The following RASA2 variants were observed in gnomAD, a reference collection of about 807,000 sequenced individuals.
RASA2 encodes the protein ras GTPase-activating protein 2.
In RASA2, 155 loss-of-function variants were observed where a neutral mutation model predicts 118.2. The ratio of observed to expected loss-of-function variants is 1.31; its 90% confidence interval spans 1.15 to 1.50. The LOEUF is 1.50. Among genes scored for constraint, RASA2 ranks in the 40% most tolerant of loss-of-function variants. RASA2 has a pLI of 0.00. For missense variants in RASA2, 1,016 were observed against 1,009.6 expected (o/e 1.01, Z -0.09); for synonymous variants, 353 against 349.1 (o/e 1.01, Z -0.12).
At chr3:141,550,834 G>A (rs540769550) in intron 5 of RASA2, among the ~76,000 whole-genome samples, 11 of 152,190 alleles carry the variant, frequency 7.2e-5, no homozygotes, top group Non-Finnish European at 1.6e-4. Flanking sequence ...TCCAGCCTGG[G>A]CGACAGAGTG....
At position 141,487,158 on chromosome 3, in the gene RASA2, G is replaced by A. The variant is rs2081587101; in HGVS notation, c.75G>A (p.Glu25=). The A allele has an allele frequency of 1.4e-6, 2 of 1,470,654 alleles. No individual in the cohort carries two copies. Among genetic ancestry groups the A allele is most frequent in the Non-Finnish European group, 1.8e-6 (2 of 1,103,762 alleles). The allele number at this position is 1,470,654 out of a possible 1,614,324, so 91.1% of individuals were successfully genotyped here. A position where few individuals can be genotyped will look rare whatever the true frequency, so the allele number is the denominator to read the frequency against. ...APAASATAEP[E]AGDQDSREVR... The stretch of plus-strand genomic sequence containing the variant: ...CGGCGAGTGCGACTGCAGAGCCCGA[G>A]GCCGGGGACCAGGACAGTCGCGAGG... Residue 25 remains glutamate (E), a synonymous_variant, in exon 1 of 24, where the codon GAG becomes GAA. Coordinates refer to ENST00000286364, the MANE Select transcript of RASA2 (RefSeq NM_006506.5).
chr3:141,512,004 A>G lies in RASA2; in HGVS notation c.134-159A>G, dbSNP rs556219819. On this transcript the variant is annotated intron_variant, in intron 1 of 23. Coordinates refer to ENST00000286364, the MANE Select transcript of RASA2 (RefSeq NM_006506.5). ...ACAGCCCCTCCCTTCAGTCTTAACA[A>G]TCTCCTTTAGACCAGCTTGATCTTT... Among the ~76,000 whole-genome samples the G allele has an allele frequency of 1.1e-4, 16 of 151,804 alleles. No homozygotes were observed. The highest frequency in any genetic ancestry group is 4.2e-4 in the South Asian group (2 of 4,796).
At chr3:141,487,311 C>T in intron 1 of RASA2, 95 bp downstream of exon 1, 1 of 1,178,874 alleles carries the variant, frequency 8.5e-7, no homozygotes, top group Non-Finnish European at 1.1e-6. Context: ...CCGAGCTGCG[C>T]TGGGATCGCG....
intron 4 of RASA2, among the ~76,000 whole-genome samples, chr3:141,539,230 T>C (rs137945155): frequency 6.6e-6 from 1 of 152,302 alleles, no homozygotes; most frequent in Non-Finnish European, 1.5e-5. Context: ...AGTTTACAAA[T>C]TATATATGAT....
chr3:141,525,178 T>A (rs1200219043), intron 3 of RASA2: 1 of 152,224 alleles, frequency 6.6e-6, no homozygotes, highest in Non-Finnish European at 1.5e-5. Context: ...TTTCTTTGTC[T>A]GATTTTAAGG....
At position 141,517,738 on chromosome 3, in the gene RASA2, C is replaced by T. The variant is rs112214867; in HGVS notation, c.355+1307C>T. 2.1e-3 allele frequency among the ~76,000 whole-genome samples: 326 copies of T among 152,246 alleles called. 4 individuals carry two copies. The highest frequency in any genetic ancestry group is 7.4e-3 in the African/African-American group (309 of 41,546). On this transcript the variant is annotated intron_variant, in intron 3 of 23. Transcript: ENST00000286364. ...GCGCGATCTCAGCTCACTGCAAGCTCCGCCTCCTGGGTTCACGCCATTCTC... is the reference window on the plus strand; with the variant it reads ...GCGCGATCTCAGCTCACTGCAAGCTTCGCCTCCTGGGTTCACGCCATTCTC...
At chr3:141,601,441 C>A (rs1427758625) in intron 19 of RASA2, among the ~76,000 whole-genome samples, 2 of 132,556 alleles carry the variant, frequency 1.5e-5, no homozygotes, top group Non-Finnish European at 1.6e-5. Flanking sequence ...TCCACTGTCT[C>A]CAAAAAAAAA....
Position 141,540,814 on chromosome 3 carries a change from A to G in RASA2, c.527+205A>G, listed in dbSNP as rs76599788. Among the ~76,000 whole-genome samples, 537 of 152,266 alleles carry G rather than the reference A, an allele frequency of 3.5e-3. 1 individual carries two copies. Among genetic ancestry groups the G allele is most frequent in the African/African-American group, 0.012 (513 of 41,560 alleles). Reference sequence around the variant, plus strand: ...GGTGAGTCATTAATTTATTCAACTAATATTTATTGAATATGGGTTAAATGA... The same window carrying G: ...GGTGAGTCATTAATTTATTCAACTAGTATTTATTGAATATGGGTTAAATGA... On this transcript the variant is annotated intron_variant, in intron 5 of 23. Coordinates refer to ENST00000286364, the MANE Select transcript of RASA2 (RefSeq NM_006506.5).
rs139537674 is a variant in RASA2 at position 141,581,862 on chromosome 3, T to C, written c.1752+685T>C. On this transcript the variant is annotated intron_variant, in intron 17 of 23. Transcript: ENST00000286364. ...CTGTACTTAGAAGTTCAGAATGTTT[T>C]GAAAGGATCTTTAATTTCTTGAGTC... 3.6e-3 allele frequency among the ~76,000 whole-genome samples: 552 copies of C among 152,352 alleles called. 3 individuals carry two copies. Among genetic ancestry groups the C allele is most frequent in the African/African-American group, 0.013 (532 of 41,578 alleles).
intron 3 of RASA2, 25 bp from the exon 4 acceptor site, chr3:141,529,683 A>G: frequency 6.6e-7 from 1 of 1,515,768 alleles, no homozygotes; most frequent in African/African-American, 1.4e-5. Flanking sequence ...ATGTTTTCTT[A>G]TATTGTTTTA....
intron 16 of RASA2, 48 bp from the exon 17 acceptor site, chr3:141,581,052 T>C: frequency 6.9e-7 from 1 of 1,449,624 alleles, no homozygotes; most frequent in Non-Finnish European, 9.1e-7. Flanking sequence ...CATTCTATTC[T>C]TAATTCTCTA....
chr3:141,583,001 T>C (rs1356145756), intron 17 of RASA2, among the ~76,000 whole-genome samples: 1 of 152,236 alleles, frequency 6.6e-6, no homozygotes, highest in Non-Finnish European at 1.5e-5. Flanking sequence ...ATGATAGGAA[T>C]GGTCCTGATA....
chr3:141,524,424 G>A (rs1377537795), intron 3 of RASA2, among the ~76,000 whole-genome samples: 2 of 152,134 alleles, frequency 1.3e-5, no homozygotes, highest in African/African-American at 4.8e-5. Context: ...TAATATACCA[G>A]TTTACCACAA....
intron 7 of RASA2, 72 bp from the exon 8 acceptor site, chr3:141,558,814 A>G (rs1262875731): frequency 8.6e-7 from 1 of 1,157,954 alleles, no homozygotes; most frequent in East Asian, 2.6e-5. Context: ...TATTTTGCAG[A>G]TGATCATTTT....
intron 3 of RASA2, among the ~76,000 whole-genome samples, chr3:141,517,261 A>G (rs778817656): frequency 6.6e-6 from 1 of 152,200 alleles, no homozygotes; most frequent in Admixed American, 6.5e-5. Flanking sequence ...TCCTGTCTGT[A>G]TTAGTGACTG....
At chr3:141,578,335 A>G (rs1377611784) in intron 15 of RASA2, among the ~76,000 whole-genome samples, 1 of 152,242 alleles carries the variant, frequency 6.6e-6, no homozygotes, top group East Asian at 1.9e-4. Context: ...CAGATGTTCA[A>G]GTACCTATAA....
In RASA2 at chr3:141,555,930, G is replaced by T. The variant is rs374972680; in HGVS notation, c.684+18G>T. 1.3e-6 allele frequency: 2 copies of T among 1,560,336 alleles called. No individual in the cohort carries two copies. Among genetic ancestry groups the T allele is most frequent in the East Asian group, 2.3e-5 (1 of 44,344 alleles). On this transcript the variant is annotated intron_variant, in intron 7 of 23. Coordinates refer to ENST00000286364, the MANE Select transcript of RASA2 (RefSeq NM_006506.5). ...ATTTTGAGGTAATTTTTTGTTTTACGTAAATGTTAACATTAAATATGTAAT... is the reference window on the plus strand; with the variant it reads ...ATTTTGAGGTAATTTTTTGTTTTACTTAAATGTTAACATTAAATATGTAAT...
chr3:141,510,095 T>C (rs1483933577), intron 1 of RASA2, among the ~76,000 whole-genome samples: 2 of 152,192 alleles, frequency 1.3e-5, no homozygotes, highest in Non-Finnish European at 2.9e-5. Context: ...TCTAATAGAC[T>C]TCTCTAAAAT....
intron 3 of RASA2, among the ~76,000 whole-genome samples, chr3:141,519,050 A>G (rs183219144): frequency 1.3e-3 from 194 of 152,320 alleles, no homozygotes; most frequent in African/African-American, 3.2e-3. Flanking sequence ...CCTTTGGCAT[A>G]AATTTTTGCA....
Sources: gnomAD v4.1 joint callset for allele counts (sites outside exome capture counted in the v4.1 genomes callset) on GRCh38, gnomAD v4.1.1 for gene constraint, MANE v1.5 for transcripts, NCBI Gene and HGNC (gene_info 2026-07-23, HGNC 2026-07-21) for gene names.